ECPAS: variants seen among roughly 807,000 people sequenced by gnomAD.
The protein encoded by ECPAS is proteasome adapter and scaffold protein ECM29.
In ECPAS, 70 loss-of-function variants were observed where a neutral mutation model predicts 255.1. That is an observed-to-expected ratio of 0.27 (90% CI 0.23 to 0.33). ECPAS has a LOEUF of 0.33. Among genes scored for constraint, ECPAS ranks in the 10% least tolerant of loss-of-function variants. The pLI is 1.00. For synonymous variants in ECPAS, 784 were observed against 775.0 expected, an observed-to-expected ratio of 1.01 and a Z score of -0.19; for missense variants, 1,817 against 2,206.4, an observed-to-expected ratio of 0.82 and a Z score of 3.54.
intron 24 of ECPAS, among the ~76,000 whole-genome samples, chr9:111,407,397 A>G: frequency 9.6e-6 from 1 of 104,578 alleles, no homozygotes; most frequent in Admixed American, 1.0e-4. Context: ...GCAAAACTCC[A>G]TCTCAGAAAA....
chr9:111,427,580 T>C (rs2098223621), intron 10 of ECPAS, among the ~76,000 whole-genome samples: 1 of 152,246 alleles, frequency 6.6e-6, no homozygotes, highest in African/African-American at 2.4e-5. Flanking sequence ...TTTTGGAATA[T>C]GTGTACATAC....
chr9:111,363,839 T>C (rs1060736), intron 48 of ECPAS, among the ~76,000 whole-genome samples, 180 bp from the exon 49 acceptor site: 44,113 of 151,980 alleles, frequency 0.29, 8,158 homozygotes, highest in Non-Finnish European at 0.42. Flanking sequence ...AAATGTGTGC[T>C]AATGTCCACA....
At chr9:111,432,894 A>T (rs1235650493) in intron 8 of ECPAS, among the ~76,000 whole-genome samples, 1 of 152,148 alleles carries the variant, frequency 6.6e-6, no homozygotes, top group Non-Finnish European at 1.5e-5. Context: ...AGTAATCTCG[A>T]ATGGTTTGAG....
At chr9:111,430,796 C>A (rs2098228679) in intron 8 of ECPAS, among the ~76,000 whole-genome samples, 168 bp from the exon 9 acceptor site, 1 of 152,204 alleles carries the variant, frequency 6.6e-6, no homozygotes, top group Admixed American at 6.5e-5. Context: ...GGACTAATTT[C>A]TATCAAAGTA....
Position 111,433,333 on chromosome 9 carries a change from C to CCTG in ECPAS, c.745_747dup (p.Gln249dup). 6.2e-7 allele frequency: 1 copy of CCTG among 1,613,944 alleles called. No homozygotes were observed. ...TGGAGAACAGCTTCAAGTTCAGGCA[C>CCTG]CTGTTCAGCTTCTATGAATTTCACG... On this transcript the variant is annotated inframe_insertion, in exon 8 of 50. Transcript: ENST00000684092.
chr9:111,405,853 T>G (rs902678132), intron 24 of ECPAS, among the ~76,000 whole-genome samples: 1 of 149,710 alleles, frequency 6.7e-6, no homozygotes, highest in Admixed American at 6.6e-5. Flanking sequence ...CATCTCACCC[T>G]AGTTAGAACA....
At chr9:111,417,677 T>C (rs2098206150) in intron 17 of ECPAS, among the ~76,000 whole-genome samples, 1 of 151,328 alleles carries the variant, frequency 6.6e-6, no homozygotes, top group African/African-American at 2.4e-5. Flanking sequence ...ACCCAGGTAG[T>C]GGAGTTTGCA....
intron 24 of ECPAS, among the ~76,000 whole-genome samples, chr9:111,405,469 C>T (rs2098182630): frequency 6.7e-6 from 1 of 149,624 alleles, no homozygotes; most frequent in African/African-American, 2.5e-5. Flanking sequence ...TGGAGAAACA[C>T]TTCAGGATAC....
chr9:111,391,674 C>T (rs2098160408), intron 29 of ECPAS, 82 bp downstream of exon 29: 1 of 864,832 alleles, frequency 1.2e-6, no homozygotes, highest in Admixed American at 2.1e-5. Context: ...AAATCAACTT[C>T]ATGACTGCTC....
At chr9:111,362,876 T>C (rs1259857068) in intron 49 of ECPAS, among the ~76,000 whole-genome samples, 1 of 152,180 alleles carries the variant, frequency 6.6e-6, no homozygotes, top group East Asian at 1.9e-4. Flanking sequence ...AGGAGATGTT[T>C]AGCGTTACTC....
chr9:111,376,698 C>G (rs1263884204), intron 36 of ECPAS, among the ~76,000 whole-genome samples, 157 bp from the exon 37 acceptor site: 1 of 152,090 alleles, frequency 6.6e-6, no homozygotes, highest in Non-Finnish European at 1.5e-5. Flanking sequence ...ACTCTAATTT[C>G]TTTTGACCTA....
intron 8 of ECPAS, among the ~76,000 whole-genome samples, chr9:111,431,837 T>C (rs528647877): frequency 3.7e-4 from 57 of 152,324 alleles, no homozygotes; most frequent in Non-Finnish European, 2.9e-5. Flanking sequence ...AATTCCGCTA[T>C]CCTCAGAGGC....
intron 49 of ECPAS, 129 bp from the exon 50 acceptor site, chr9:111,362,298 AG>A (rs2098114522): frequency 4.4e-6 from 3 of 687,632 alleles, no homozygotes; most frequent in Non-Finnish European, 7.1e-6. Flanking sequence ...ATAAATGCAA[AG>A]CAACCTCTTG....
intron 35 of ECPAS, 136 bp downstream of exon 35, chr9:111,383,075 C>T (rs780093835): frequency 2.9e-6 from 3 of 1,028,010 alleles, no homozygotes; most frequent in East Asian, 2.6e-5. Context: ...TTGTGACTCA[C>T]AAGTTTTCAC....
intron 1 of ECPAS, among the ~76,000 whole-genome samples, chr9:111,481,546 T>G (rs1346693930): frequency 1.3e-5 from 2 of 152,098 alleles, no homozygotes; most frequent in African/African-American, 2.4e-5. Flanking sequence ...CAGTGGTTCC[T>G]TAAAAATTTA....
intron 2 of ECPAS, among the ~76,000 whole-genome samples, chr9:111,459,328 C>T (rs7042024): frequency 0.055 from 8,379 of 151,824 alleles, 778 homozygotes; most frequent in African/African-American, 0.19. Flanking sequence ...TGGCCTCAAG[C>T]GATCCTCCTG....
chr9:111,459,700 G>A (rs911663204), intron 2 of ECPAS, among the ~76,000 whole-genome samples: 8 of 151,982 alleles, frequency 5.3e-5, no homozygotes, highest in African/African-American at 1.9e-4. Context: ...GATTTTAAGG[G>A]GCTTTTTTAA....
intron 35 of ECPAS, among the ~76,000 whole-genome samples, chr9:111,380,931 G>A (rs2098139808): frequency 6.6e-6 from 1 of 152,238 alleles, no homozygotes; most frequent in Non-Finnish European, 1.5e-5. Context: ...GGCTTTGGCT[G>A]AAGGGAATTT....
intron 3 of ECPAS, among the ~76,000 whole-genome samples, chr9:111,450,758 T>A (rs552598414): frequency 8.5e-5 from 13 of 152,178 alleles, no homozygotes; most frequent in Admixed American, 3.3e-4. Context: ...CGAAACCCTG[T>A]CTCCACAAAA....
Sources: allele counts gnomAD v4.1 joint callset (sites outside exome capture counted in the v4.1 genomes callset), GRCh38; gene constraint gnomAD v4.1.1; transcripts MANE v1.5; gene names NCBI Gene and HGNC (gene_info 2026-07-23, HGNC 2026-07-21).